Variants in NEGR1 observed in about 807,000 individuals in gnomAD.
NEGR1 encodes the protein neuronal growth regulator 1.
In NEGR1, 10 loss-of-function variants were observed where a neutral mutation model predicts 40.9. That is an observed-to-expected ratio of 0.24 (90% CI 0.15 to 0.42). The LOEUF is 0.42. Ranked by LOEUF, NEGR1 falls within the 10% of genes least tolerant of loss-of-function variation. The pLI is 1.00. For missense variants in NEGR1, 352 were observed against 438.9 expected, an observed-to-expected ratio of 0.80 and a Z score of 1.77; for synonymous variants, 185 against 166.8, an observed-to-expected ratio of 1.11 and a Z score of -0.84.
chr1:71,897,496 A>T (rs983836002), intron 2 of NEGR1, among the ~76,000 whole-genome samples: 2 of 152,222 alleles, frequency 1.3e-5, no homozygotes, highest in Non-Finnish European at 2.9e-5. Flanking sequence ...TTCTATATTT[A>T]TAACCCTAGT....
intron 1 of NEGR1, among the ~76,000 whole-genome samples, chr1:72,084,595 T>C (rs1456881336): frequency 6.6e-6 from 1 of 152,198 alleles, no homozygotes; most frequent in Non-Finnish European, 1.5e-5. Flanking sequence ...TGTTCATGGC[T>C]GCACCCCAGA....
intron 1 of NEGR1, among the ~76,000 whole-genome samples, chr1:71,990,530 T>C (rs1646439821): frequency 6.6e-6 from 1 of 152,174 alleles, no homozygotes; most frequent in African/African-American, 2.4e-5. Context: ...ATTTGTTGGT[T>C]ATAGCTATGA....
At chr1:71,493,873 C>T (rs539826256) in intron 6 of NEGR1, among the ~76,000 whole-genome samples, 1 of 152,312 alleles carries the variant, frequency 6.6e-6, no homozygotes, top group African/African-American at 2.4e-5. Context: ...ATCTCAGCTA[C>T]CTAAAGCATA....
chr1:71,750,812 T>G (rs1373386552), intron 3 of NEGR1, among the ~76,000 whole-genome samples: 5 of 152,196 alleles, frequency 3.3e-5, no homozygotes, highest in African/African-American at 7.2e-5. Flanking sequence ...ATTTTTTATT[T>G]TACCCCAAAG....
chr1:71,728,370 A>C, intron 3 of NEGR1, among the ~76,000 whole-genome samples: 1 of 152,074 alleles, frequency 6.6e-6, no homozygotes, highest in African/African-American at 2.4e-5. Flanking sequence ...ATGAAACTAG[A>C]AGCAGGACCT....
At chr1:72,190,698 G>C (rs1478281583) in intron 1 of NEGR1, among the ~76,000 whole-genome samples, 1 of 151,268 alleles carries the variant, frequency 6.6e-6, no homozygotes. Flanking sequence ...TTTTTATAGA[G>C]GCAAGAAAGT....
At chr1:71,898,781 T>C (rs1661043581) in intron 2 of NEGR1, among the ~76,000 whole-genome samples, 1 of 148,814 alleles carries the variant, frequency 6.7e-6, no homozygotes, top group Admixed American at 6.7e-5. Flanking sequence ...GAGATCCATT[T>C]AAAAGAAAAC....
At chr1:71,650,233 T>A (rs1570151280) in intron 4 of NEGR1, among the ~76,000 whole-genome samples, 1 of 152,098 alleles carries the variant, frequency 6.6e-6, no homozygotes, top group Non-Finnish European at 1.5e-5. Context: ...GCTGGGATGT[T>A]CAACAGAAAT....
chr1:71,457,892 CG>C (rs1194262999), intron 6 of NEGR1, among the ~76,000 whole-genome samples: 2 of 151,788 alleles, frequency 1.3e-5, no homozygotes, highest in African/African-American at 4.8e-5. Context: ...TTAGTAGAGA[CG>C]GGGTTTCACT....
chr1:71,990,525 T>C (rs1646439802), intron 1 of NEGR1, among the ~76,000 whole-genome samples: 1 of 152,164 alleles, frequency 6.6e-6, no homozygotes, highest in African/African-American at 2.4e-5. Context: ...GGAAAATTTG[T>C]TGGTTATAGC....
intron 6 of NEGR1, among the ~76,000 whole-genome samples, chr1:71,570,465 T>A (rs1648774843): frequency 6.6e-6 from 1 of 152,170 alleles, no homozygotes; most frequent in Non-Finnish European, 1.5e-5. Context: ...AGTTGGAAAG[T>A]GACATATGGC....
At chr1:71,474,527 C>CACAT (rs2101361803) in intron 6 of NEGR1, among the ~76,000 whole-genome samples, 1 of 144,368 alleles carries the variant, frequency 6.9e-6, no homozygotes, top group African/African-American at 2.7e-5. Context: ...TACACACACA[C>CACAT]ACACACACAC....
intron 4 of NEGR1, among the ~76,000 whole-genome samples, chr1:71,650,707 G>T (rs984494726): frequency 6.6e-6 from 1 of 151,904 alleles, no homozygotes; most frequent in African/African-American, 2.4e-5. Context: ...TGTAAATTTT[G>T]ATTAAAATAA....
chr1:71,817,678 C>T (rs539309945), intron 2 of NEGR1, among the ~76,000 whole-genome samples: 2 of 152,044 alleles, frequency 1.3e-5, no homozygotes, highest in South Asian at 2.1e-4. Flanking sequence ...AAGTGGCATC[C>T]AAAGGAAATT....
At chr1:71,863,964 A>G (rs1044133699) in intron 2 of NEGR1, among the ~76,000 whole-genome samples, 2 of 152,136 alleles carry the variant, frequency 1.3e-5, no homozygotes, top group Admixed American at 1.3e-4. Flanking sequence ...TTCATGCTTT[A>G]TAGATTTAAA....
chr1:71,435,531 GA>G (rs538482791), intron 6 of NEGR1, among the ~76,000 whole-genome samples: 5,651 of 144,552 alleles, frequency 0.039, 150 homozygotes, highest in African/African-American at 0.082. Flanking sequence ...GCTGTATTCT[GA>G]AAAAAAAAAA....
At chr1:72,153,631 C>A (rs984250829) in intron 1 of NEGR1, among the ~76,000 whole-genome samples, 1 of 151,704 alleles carries the variant, frequency 6.6e-6, no homozygotes, top group African/African-American at 2.4e-5. Flanking sequence ...CTATCTGTCT[C>A]TCTATATTAG....
chr1:72,127,628 A>G (rs1207954596), intron 1 of NEGR1, among the ~76,000 whole-genome samples: 1 of 152,142 alleles, frequency 6.6e-6, no homozygotes, highest in Non-Finnish European at 1.5e-5. Context: ...ATTCTCAATA[A>G]AGCCTGACAC....
chr1:71,997,126 C>T (rs1388272453), intron 1 of NEGR1, among the ~76,000 whole-genome samples: 2 of 152,038 alleles, frequency 1.3e-5, no homozygotes, highest in Non-Finnish European at 2.9e-5. Context: ...TTGTATGTAT[C>T]AAGCTACCTG....
Sources: gnomAD v4.1 joint callset for allele counts (sites outside exome capture counted in the v4.1 genomes callset) on GRCh38, gnomAD v4.1.1 for gene constraint, MANE v1.5 for transcripts, NCBI Gene and HGNC (gene_info 2026-07-23, HGNC 2026-07-21) for gene names.